Variants in SRGAP1 observed in about 807,000 individuals in gnomAD.
SRGAP1 encodes the protein SLIT-ROBO Rho GTPase-activating protein 1.
Under a neutral mutation model 121.9 loss-of-function variants are expected in SRGAP1, and 43 were observed. That is an observed-to-expected ratio of 0.35 (90% CI 0.28 to 0.46). SRGAP1 has a LOEUF of 0.46. Ranked by LOEUF, SRGAP1 falls within the 20% of genes least tolerant of loss-of-function variation. SRGAP1 has a pLI of 1.00. For synonymous variants in SRGAP1, 447 were observed against 485.4 expected (o/e 0.92, Z 1.04); for missense variants, 1,102 against 1,350.9 (o/e 0.82, Z 2.89).
At chr12:64,032,364 T>C in intron 4 of SRGAP1, 1 of 420,188 alleles carries the variant, frequency 2.4e-6, no homozygotes, top group Non-Finnish European at 4.6e-6. Context: ...TCAATGGTAG[T>C]ATGAGATACT....
intron 1 of SRGAP1, among the ~76,000 whole-genome samples, chr12:63,947,544 G>T (rs184453109): frequency 6.6e-6 from 1 of 152,268 alleles, no homozygotes; most frequent in Admixed American, 6.5e-5. Flanking sequence ...ACTATCCATT[G>T]AAGACTTCCC....
At chr12:63,926,483 CTG>C (rs1415578270) in intron 1 of SRGAP1, among the ~76,000 whole-genome samples, 2 of 152,142 alleles carry the variant, frequency 1.3e-5, no homozygotes, top group Non-Finnish European at 2.9e-5. Flanking sequence ...CCTCCTAAGT[CTG>C]TGCTCTGCCT....
At chr12:63,963,304 CG>C (rs1214462195) in intron 1 of SRGAP1, among the ~76,000 whole-genome samples, 1 of 152,066 alleles carries the variant, frequency 6.6e-6, no homozygotes, top group Non-Finnish European at 1.5e-5. Flanking sequence ...AAGTTTTTCT[CG>C]GAACTGAAGT....
chr12:63,979,864 A>G (rs2033199533), intron 1 of SRGAP1, among the ~76,000 whole-genome samples: 2 of 152,194 alleles, frequency 1.3e-5, no homozygotes, highest in Admixed American at 1.3e-4. Flanking sequence ...AGGAAGCTGC[A>G]ATGTCTTATG....
At chr12:64,115,597 C>CA (rs1015941964) in intron 17 of SRGAP1, among the ~76,000 whole-genome samples, 3 of 152,006 alleles carry the variant, frequency 2.0e-5, no homozygotes, top group Non-Finnish European at 2.9e-5. Flanking sequence ...CTCATCTTTA[C>CA]AAAAAAATTA....
In SRGAP1 at chr12:64,063,060, G is replaced by A. The variant is rs1372621810; in HGVS notation, c.945G>A (p.Lys315=). The A allele has an allele frequency of 6.2e-7, 1 of 1,614,104 alleles. No individual in the cohort carries two copies. Among genetic ancestry groups the A allele is most frequent in the South Asian group, 1.1e-5 (1 of 91,078 alleles). Residue 315 remains lysine (K), a synonymous_variant, in exon 7 of 22, where the codon AAG becomes AAA. Transcript: ENST00000355086. ...ATAATTTAGAGCCCAGGAGCGATAA[G>A]CAGAGATTCATGGAGATGTACCCTG... ...AVDNLEPRSD[K]QRFMEMYPAA...
At chr12:63,970,939 T>G (rs2032929474) in intron 1 of SRGAP1, among the ~76,000 whole-genome samples, 1 of 152,204 alleles carries the variant, frequency 6.6e-6, no homozygotes, top group Admixed American at 6.5e-5. Flanking sequence ...TGAATCAAGA[T>G]AGCATCCTAT....
At chr12:64,022,423 G>T (rs2034569735) in intron 4 of SRGAP1, among the ~76,000 whole-genome samples, 2 of 152,116 alleles carry the variant, frequency 1.3e-5, no homozygotes, top group African/African-American at 4.8e-5. Context: ...CAGCCTTTTT[G>T]TTCAATGCAG....
chr12:63,886,240 T>C (rs1900376982), intron 1 of SRGAP1, among the ~76,000 whole-genome samples: 1 of 152,018 alleles, frequency 6.6e-6, no homozygotes, highest in African/African-American at 2.4e-5. Context: ...TTTTGTATTT[T>C]TAGTAGAGAT....
intron 1 of SRGAP1, among the ~76,000 whole-genome samples, chr12:63,912,429 G>A (rs1036128799): frequency 5.3e-5 from 8 of 152,054 alleles, no homozygotes; most frequent in African/African-American, 1.2e-4. Context: ...GCAGCAAAGC[G>A]AGACCCCCAT....
rs1001187432 is a variant in SRGAP1 at position 63,854,951 on chromosome 12, A to G, written c.67+10068A>G. Among the ~76,000 whole-genome samples, 104 of 152,184 alleles carry G rather than the reference A, an allele frequency of 6.8e-4. 1 individual carries two copies. The highest frequency in any genetic ancestry group is 6.5e-3 in the Admixed American group (99 of 15,272). ...CAAACCTTTCTCTTATTAGCAGGGGAGGAGAGTTCCACAGCCTGAAAAACA... is the reference window on the plus strand; with the variant it reads ...CAAACCTTTCTCTTATTAGCAGGGGGGGAGAGTTCCACAGCCTGAAAAACA... On this transcript the variant is annotated intron_variant, in intron 1 of 21. Coordinates refer to ENST00000355086, the MANE Select transcript of SRGAP1 (RefSeq NM_020762.4).
At chr12:63,937,095 C>CAGAG (rs143621170) in intron 1 of SRGAP1, among the ~76,000 whole-genome samples, 5,494 of 152,228 alleles carry the variant, frequency 0.036, 111 homozygotes, top group Non-Finnish European at 0.047. Context: ...AGAAAAGCAG[C>CAGAG]AGAGAGTGAA....
intron 3 of SRGAP1, among the ~76,000 whole-genome samples, 154 bp from the exon 4 acceptor site, chr12:64,016,796 G>A (rs772035248): frequency 3.3e-5 from 5 of 152,180 alleles, no homozygotes; most frequent in Non-Finnish European, 7.3e-5. Flanking sequence ...TGTATACAAT[G>A]TCTAGAGTTT....
At chr12:63,987,367 A>G (rs951914639) in intron 2 of SRGAP1, among the ~76,000 whole-genome samples, 1 of 152,164 alleles carries the variant, frequency 6.6e-6, no homozygotes, top group Non-Finnish European at 1.5e-5. Flanking sequence ...TCTCTCAGAC[A>G]CTAGCTTTGG....
chr12:64,032,100 T>G (rs943362823), intron 4 of SRGAP1, among the ~76,000 whole-genome samples: 1 of 152,198 alleles, frequency 6.6e-6, no homozygotes, highest in Non-Finnish European at 1.5e-5. Flanking sequence ...AAATTTAGGC[T>G]CACAGACAAT....
intron 1 of SRGAP1, among the ~76,000 whole-genome samples, chr12:63,967,375 G>A (rs770929056): frequency 1.3e-5 from 2 of 152,312 alleles, no homozygotes; most frequent in Admixed American, 6.5e-5. Context: ...CCAGAAAGTC[G>A]AAATTAAAGT....
chr12:63,855,232 G>A (rs1398993673), intron 1 of SRGAP1, among the ~76,000 whole-genome samples: 2 of 152,082 alleles, frequency 1.3e-5, no homozygotes, highest in Non-Finnish European at 2.9e-5. Context: ...GTTTCAGCTT[G>A]TAGGAAGGAA....
intron 7 of SRGAP1, among the ~76,000 whole-genome samples, chr12:64,064,804 G>A (rs896379342): frequency 6.6e-6 from 1 of 152,140 alleles, no homozygotes; most frequent in Non-Finnish European, 1.5e-5. Context: ...CTGCAAAAGA[G>A]TCATTAAGAA....
chr12:64,119,704 C>A (rs1302934985), intron 18 of SRGAP1, among the ~76,000 whole-genome samples: 2 of 146,146 alleles, frequency 1.4e-5, no homozygotes, highest in African/African-American at 5.1e-5. Context: ...TTTTTTATTT[C>A]TTCAGCTGTA....
Sources: allele counts gnomAD v4.1 joint callset (sites outside exome capture counted in the v4.1 genomes callset), GRCh38; gene constraint gnomAD v4.1.1; transcripts MANE v1.5; gene names NCBI Gene and HGNC (gene_info 2026-07-23, HGNC 2026-07-21).